Variants in REG3A observed in about 807,000 individuals in gnomAD.
The protein encoded by REG3A is regenerating islet-derived protein 3-alpha.
Under a neutral mutation model 20.5 loss-of-function variants are expected in REG3A, and 15 were observed. The observed-to-expected ratio is 0.73, with a 90% CI of 0.49 to 1.12. The LOEUF (loss-of-function observed/expected upper bound fraction) is 1.12. Among genes scored for constraint, REG3A ranks in the 50% most tolerant of loss-of-function variants. The pLI is 0.00. For synonymous variants in REG3A, 93 were observed against 83.2 expected (o/e 1.12, Z -0.64); for missense variants, 224 against 213.1 (o/e 1.05, Z -0.32).
rs1673394580 is a variant in REG3A, at chr2:79,159,386, A to G, written c.20T>C (p.Leu7Pro). The change falls in exon 2 of 6, where the codon CTG becomes CCG. Residue 7 changes from leucine (L) to proline (P), a missense_variant. Leu to Pro is a moderately conservative substitution (Grantham distance 98). Transcript: ENST00000305165. The part of the protein sequence containing the change: MLPPMA[L>P]PSVSWMLLSC... Reference sequence around the variant, plus strand: ...AAGCAGCATCCAAGATACACTGGGCAGGGCCATGGGAGGCAGCATAGTGTC... The same window carrying G: ...AAGCAGCATCCAAGATACACTGGGCGGGGCCATGGGAGGCAGCATAGTGTC... The G allele has an allele frequency of 4.3e-6, 7 of 1,613,818 alleles. No homozygotes were observed. The highest frequency in any genetic ancestry group is 5.1e-6 in the Non-Finnish European group (6 of 1,179,976).
intron 5 of REG3A, 25 bp from the exon 6 acceptor site, chr2:79,157,318 G>T (rs750533462): frequency 6.2e-7 from 1 of 1,604,980 alleles, no homozygotes; most frequent in Admixed American, 1.7e-5. Context: ...GACATAAATG[G>T]AATGGGGCTG....
intron 4 of REG3A, 25 bp downstream of exon 4, chr2:79,158,301 C>A: frequency 6.2e-7 from 1 of 1,608,736 alleles, no homozygotes; most frequent in South Asian, 1.1e-5. Context: ...TGAGAGGTAA[C>A]AGAGAGGGGA....
rs750533462 is a variant in REG3A, at chr2:79,157,318, G to C, written c.461-25C>G. ...GCTGGAGAGACAGAAGACATAAATG[G>C]AATGGGGCTGAGGAAGCTTGTGAAT... On this transcript the variant is annotated intron_variant, in intron 5 of 5. Coordinates refer to ENST00000305165, the MANE Select transcript of REG3A (RefSeq NM_002580.3). 3 of 1,604,986 alleles carry C rather than the reference G, an allele frequency of 1.9e-6. No homozygotes were observed. The Admixed American group carries it at 5.0e-5, about 27-fold the overall frequency.
In REG3A at chr2:79,158,600, C is replaced by A. The variant is rs370618564; in HGVS notation, c.195+51G>T. On this transcript the variant is annotated intron_variant, in intron 3 of 5. Transcript: ENST00000305165. ...CCCAAGGAACTCTCCTGAATGGAGA[C>A]CCTCCTCCCCCTGAGACCGGTCACC... 1.0e-4 allele frequency: 166 copies of A among 1,606,532 alleles called. No homozygotes were observed. In the Middle Eastern group the frequency reaches 2.0e-3, roughly 19 times the overall value.
chr2:79,159,655 C>T (rs1673404115), intron 1 of REG3A, 73 bp downstream of exon 1: 3 of 504,066 alleles, frequency 6.0e-6, no homozygotes, highest in Admixed American at 3.2e-5. Context: ...AGGAAGGGAC[C>T]CTCCCATGTA....
At chr2:79,157,737 C>T (rs1218683829) in intron 4 of REG3A, 39 bp from the exon 5 acceptor site, 2 of 1,596,158 alleles carry the variant, frequency 1.3e-6, no homozygotes, top group Non-Finnish European at 1.7e-6. Flanking sequence ...AGGGAATGGC[C>T]ATTGCAGCTC....
At chr2:79,158,568 C>A in intron 3 of REG3A, 83 bp downstream of exon 3, 1 of 1,605,640 alleles carries the variant, frequency 6.2e-7, no homozygotes, top group Middle Eastern at 1.7e-4. Context: ...ACGTGTTCAT[C>A]CTCATTCCCA....
chr2:79,157,515 C>G, intron 5 of REG3A, 57 bp downstream of exon 5: 6 of 1,599,086 alleles, frequency 3.8e-6, no homozygotes, highest in Non-Finnish European at 4.3e-6. Flanking sequence ...AGGTCAGACC[C>G]AGGAATGGGG....
intron 4 of REG3A, 45 bp downstream of exon 4, chr2:79,158,281 A>T (rs779923790): frequency 4.4e-6 from 7 of 1,597,134 alleles, no homozygotes; most frequent in Non-Finnish European, 6.0e-6. Context: ...CCTGGGCAAC[A>T]ATAGCACCTT....
At chr2:79,157,491 G>T in intron 5 of REG3A, 81 bp downstream of exon 5, 1 of 1,571,650 alleles carries the variant, frequency 6.4e-7, no homozygotes, top group East Asian at 2.2e-5. Context: ...TTCTAGCTCA[G>T]GAAGATTTCC....
chr2:79,157,676 C>T lies in REG3A; in HGVS notation c.356G>A (p.Gly119Asp), dbSNP rs1673346275. The T allele has an allele frequency of 1.2e-6, 2 of 1,614,080 alleles. No individual in the cohort carries two copies. The highest frequency in any genetic ancestry group is 1.1e-5 in the South Asian group (1 of 91,074). ...CACATCACTGCTACTCCACTCCCAA[C>T]CTTCTCCATTGGGCTCGGTGCCCTG... ...PTQGTEPNGEGWEWSSSDVMN... is the reference protein window; with the variant it reads ...PTQGTEPNGEDWEWSSSDVMN... Residue 119 changes from glycine to aspartate, a missense_variant, in exon 5 of 6, where the codon GGT becomes GAT. By Grantham distance (94) the Gly-to-Asp change is moderately conservative. Coordinates refer to ENST00000305165, the MANE Select transcript of REG3A (RefSeq NM_002580.3).
Position 79,157,258 on chromosome 2 carries a change from T to A in REG3A, c.496A>T (p.Arg166Trp), listed in dbSNP as rs199719324. ...LRWKDYNCNVRLPYVCKFTD is the reference protein window; with the variant it reads ...LRWKDYNCNVWLPYVCKFTD ...GTGAACTTGCAGACATAGGGTAACC[T>A]CACATTACAGTTATAATCTTTCCAC... Residue 166 changes from arginine (R) to tryptophan (W), a missense_variant, in exon 6 of 6, where the codon AGG (arginine) becomes TGG (tryptophan). Coordinates refer to ENST00000305165, the MANE Select transcript of REG3A (RefSeq NM_002580.3). 17 of 1,613,886 alleles carry A rather than the reference T, an allele frequency of 1.1e-5. No individual in the cohort carries two copies. Among genetic ancestry groups the A allele is most frequent in the Non-Finnish European group, 1.3e-5 (15 of 1,179,940 alleles).
chr2:79,159,220 G>T, intron 2 of REG3A, 110 bp downstream of exon 2: 1 of 1,141,646 alleles, frequency 8.8e-7, no homozygotes. Flanking sequence ...ACTGCAGGCA[G>T]GTTCATTAGA....
rs1282987741 is a variant in REG3A at position 79,157,137 on chromosome 2, A to C, written c.*89T>G. On this transcript the variant is annotated 3_prime_UTR_variant, in exon 6 of 6. Transcript: ENST00000305165. The stretch of plus-strand genomic sequence containing the variant: ...GTGGTCAGGTTGGGGGAATTAAGCG[A>C]ATATTCTCTTCCAGGGTGAGTCCTC... 1.6e-5 allele frequency: 16 copies of C among 1,008,294 alleles called. No homozygotes were observed. In the Middle Eastern group the frequency reaches 8.5e-4, roughly 54 times the overall value. 62.5% of individuals were successfully genotyped at this position (1,008,294 alleles called of 1,614,324 possible). A position where few individuals can be genotyped will look rare whatever the true frequency, so the allele number is the denominator to read the frequency against.
chr2:79,157,470 A>G, intron 5 of REG3A, 102 bp downstream of exon 5: 3 of 1,522,954 alleles, frequency 2.0e-6, no homozygotes, highest in Non-Finnish European at 2.7e-6. Context: ...AAGACACACT[A>G]ACATTGTATT....
intron 5 of REG3A, 22 bp from the exon 6 acceptor site, chr2:79,157,315 A>G: frequency 6.2e-7 from 1 of 1,607,824 alleles, no homozygotes. Context: ...GAAGACATAA[A>G]TGGAATGGGG....
Position 79,158,398 on chromosome 2 carries a change from G to A in REG3A, c.261C>T (p.Phe87=), listed in dbSNP as rs774802444. The A allele has an allele frequency of 2.0e-5, 32 of 1,614,044 alleles. No individual in the cohort carries two copies. Among genetic ancestry groups the A allele is most frequent in the African/African-American group, 1.3e-4 (10 of 74,918 alleles). ...VSVLSGAEGS[F]VSSLVKSIGN... ...CAATGCTCTTCACCAGGGAGGACAC[G>A]AAGGATCCCTCAGCCCCACTGAGCA... The change falls in exon 4 of 6, where the codon TTC becomes TTT. Residue 87 remains phenylalanine, a synonymous_variant. Transcript: ENST00000305165.
In REG3A at chr2:79,157,634, C is replaced by T; in HGVS notation, c.398G>A (p.Trp133Ter). Residue 133 changes from tryptophan (W) to a stop codon, truncating the protein, a stop_gained, in exon 5 of 6, where the codon TGG becomes TAG. Coordinates refer to ENST00000305165, the MANE Select transcript of REG3A (RefSeq NM_002580.3). LOFTEE classifies it high-confidence loss of function. The part of the protein sequence containing the change: ...SSSDVMNYFA[W>*]ERNPSTISSP... ...TGAGATGGTGGAGGGATTTCTCTCCCATGCAAAGTAATTCATCACATCACT... is the reference window on the plus strand; with the variant it reads ...TGAGATGGTGGAGGGATTTCTCTCCTATGCAAAGTAATTCATCACATCACT... 6.2e-7 allele frequency: 1 copy of T among 1,614,184 alleles called. No individual in the cohort carries two copies.
rs768210659 is a variant in REG3A at position 79,157,683 on chromosome 2, CA to C, written c.348del (p.Asn116LysfsTer12). On this transcript the variant is annotated frameshift_variant, in exon 5 of 6. Transcript: ENST00000305165. LOFTEE classifies it high-confidence loss of function. ...LHDPTQGTEP[N>X]GEGWEWSSSD... ...CTGCTACTCCACTCCCAACCTTCTC[CA>C]TTGGGCTCGGTGCCCTGTAGAGTAG... 1.2e-6 allele frequency: 2 copies of C among 1,613,920 alleles called. No homozygotes were observed. Among genetic ancestry groups the C allele is most frequent in the Admixed American group, 3.3e-5 (2 of 60,006 alleles).
Sources: allele counts gnomAD v4.1 joint callset, GRCh38; gene constraint gnomAD v4.1.1; transcripts MANE v1.5; gene names NCBI Gene and HGNC (gene_info 2026-07-23, HGNC 2026-07-21).